Variants in CSMD1 observed in about 807,000 individuals in gnomAD.
CSMD1 encodes the protein CUB and sushi domain-containing protein 1.
Under a neutral mutation model 417.5 loss-of-function variants are expected in CSMD1, and 213 were observed. The ratio of observed to expected loss-of-function variants is 0.51; its 90% CI spans 0.46 to 0.57. The LOEUF is 0.57. Among genes scored for constraint, CSMD1 ranks in the 20% least tolerant of loss-of-function variants. The probability of loss-of-function intolerance (pLI) is 0.00; values close to 1 mark genes in which losing one functional copy is unlikely to be tolerated. For synonymous variants in CSMD1, 2,862 were observed against 1,736.8 expected (o/e 1.65, Z -16.11); for missense variants, 6,923 against 4,529.7 (o/e 1.53, Z -15.17).
intron 2 of CSMD1, among the ~76,000 whole-genome samples, chr8:4,465,739 T>A (rs970147833): frequency 1.2e-4 from 19 of 152,162 alleles, no homozygotes; most frequent in African/African-American, 4.6e-4. Context: ...TTGGAGGAAC[T>A]CTAGTTTGTA....
chr8:4,519,478 G>T (rs578133291), intron 2 of CSMD1, among the ~76,000 whole-genome samples: 2 of 151,772 alleles, frequency 1.3e-5, no homozygotes, highest in Non-Finnish European at 2.9e-5. Flanking sequence ...GGTGGCTCAC[G>T]CCTGTAACCC....
intron 7 of CSMD1, among the ~76,000 whole-genome samples, chr8:3,683,105 G>C (rs904383622): frequency 3.9e-5 from 6 of 151,968 alleles, no homozygotes; most frequent in Non-Finnish European, 8.8e-5. Flanking sequence ...TAAATGACAA[G>C]CTAATGGGTG....
intron 3 of CSMD1, among the ~76,000 whole-genome samples, chr8:4,276,607 A>T (rs1380424331): frequency 1.3e-5 from 2 of 152,044 alleles, no homozygotes; most frequent in African/African-American, 2.4e-5. Context: ...TAAATTTAAT[A>T]AAAAAAGTGA....
chr8:4,793,641 T>G (rs1013506462), intron 1 of CSMD1, among the ~76,000 whole-genome samples: 3 of 152,058 alleles, frequency 2.0e-5, no homozygotes. Context: ...CACTAATTAT[T>G]GCTGTCAATA....
intron 39 of CSMD1, among the ~76,000 whole-genome samples, chr8:3,154,627 A>G (rs1819405137): frequency 6.6e-6 from 1 of 152,152 alleles, no homozygotes; most frequent in Admixed American, 6.5e-5. Context: ...TGAGACAGGG[A>G]GGTCCTGGGC....
intron 2 of CSMD1, among the ~76,000 whole-genome samples, chr8:4,533,021 C>T (rs1585213716): frequency 1.3e-5 from 2 of 152,306 alleles, no homozygotes; most frequent in Middle Eastern, 3.4e-3. Flanking sequence ...ACAGTCACTC[C>T]GGAGTTTCTC....
intron 7 of CSMD1, among the ~76,000 whole-genome samples, chr8:3,700,897 C>A (rs1311797338): frequency 6.6e-6 from 1 of 152,018 alleles, no homozygotes; most frequent in East Asian, 1.9e-4. Flanking sequence ...TGTGGTTCTA[C>A]TGATATTTCA....
At chr8:3,868,225 G>A (rs184327710) in intron 5 of CSMD1, among the ~76,000 whole-genome samples, 159 of 118,664 alleles carry the variant, frequency 1.3e-3, no homozygotes, top group African/African-American at 7.3e-3. Context: ...AACCCAGAAC[G>A]AGGATGGGGG....
At chr8:4,238,718 A>T (rs1461128615) in intron 3 of CSMD1, among the ~76,000 whole-genome samples, 1 of 152,184 alleles carries the variant, frequency 6.6e-6, no homozygotes, top group Non-Finnish European at 1.5e-5. Flanking sequence ...GGGCAGGTCA[A>T]TATTATCCTT....
rs77308739 is a variant in CSMD1, at chr8:3,854,219, A to G, written c.819-100177T>C. On this transcript the variant is annotated intron_variant, in intron 5 of 69. Coordinates refer to ENST00000635120, the MANE Select transcript of CSMD1 (RefSeq NM_033225.6). ...TTCTCATGCTTTGGGAACACTTAAAACATGTGAAACTTTCTTAAAATCTCA... is the reference window on the plus strand; with the variant it reads ...TTCTCATGCTTTGGGAACACTTAAAGCATGTGAAACTTTCTTAAAATCTCA... Among the ~76,000 whole-genome samples the G allele has an allele frequency of 3.4e-3, 507 of 150,164 alleles. 15 individuals carry two copies. The East Asian group carries it at 0.058, about 17-fold the overall frequency.
chr8:4,431,558 C>T (rs997644400), intron 2 of CSMD1, among the ~76,000 whole-genome samples: 13 of 152,126 alleles, frequency 8.5e-5, no homozygotes, highest in African/African-American at 4.8e-5. Context: ...ACACCAGCCC[C>T]GGCCCCATTT....
At chr8:3,231,228 G>A (rs1477124166) in intron 26 of CSMD1, among the ~76,000 whole-genome samples, 9 of 152,124 alleles carry the variant, frequency 5.9e-5, no homozygotes, top group Admixed American at 2.0e-4. Context: ...AAAATCCAAA[G>A]CTTAGATTTT....
At chr8:4,651,670 C>T (rs368527227) in intron 1 of CSMD1, among the ~76,000 whole-genome samples, 163 of 152,256 alleles carry the variant, frequency 1.1e-3, no homozygotes, top group African/African-American at 3.7e-3. Context: ...TCAATTTCTG[C>T]CAGGTATATG....
chr8:3,038,939 G>C (rs947071596), intron 50 of CSMD1, among the ~76,000 whole-genome samples: 2 of 152,174 alleles, frequency 1.3e-5, no homozygotes, highest in African/African-American at 4.8e-5. Context: ...TGGCATCTGA[G>C]CTGGTGACTA....
At chr8:4,443,293 C>G (rs757144730) in intron 2 of CSMD1, among the ~76,000 whole-genome samples, 8 of 152,062 alleles carry the variant, frequency 5.3e-5, no homozygotes, top group African/African-American at 1.9e-4. Context: ...GTTTTGTATT[C>G]GCTAGAAAAT....
chr8:3,475,672 C>A (rs1817365429), intron 11 of CSMD1, among the ~76,000 whole-genome samples: 2 of 152,230 alleles, frequency 1.3e-5, no homozygotes. Flanking sequence ...ATACTGCTGT[C>A]TCACATTGAT....
chr8:3,832,470 C>G (rs1316524013), intron 5 of CSMD1, among the ~76,000 whole-genome samples: 11 of 152,034 alleles, frequency 7.2e-5, no homozygotes, highest in Admixed American at 3.9e-4. Flanking sequence ...TTTTTTGTTT[C>G]TTGTTCTAAA....
At chr8:4,213,571 C>G (rs1585034689) in intron 3 of CSMD1, among the ~76,000 whole-genome samples, 1 of 152,194 alleles carries the variant, frequency 6.6e-6, no homozygotes, top group Non-Finnish European at 1.5e-5. Flanking sequence ...CTTTTGCTCT[C>G]CCACTTGCAA....
chr8:4,709,537 T>C (rs1384284252), intron 1 of CSMD1, among the ~76,000 whole-genome samples: 1 of 152,226 alleles, frequency 6.6e-6, no homozygotes, highest in East Asian at 1.9e-4. Context: ...GGCAGAGACC[T>C]CGAGGCTGGA....
Sources: gnomAD v4.1 joint callset for allele counts (sites outside exome capture counted in the v4.1 genomes callset) on GRCh38, gnomAD v4.1.1 for gene constraint, MANE v1.5 for transcripts, NCBI Gene and HGNC (gene_info 2026-07-23, HGNC 2026-07-21) for gene names.